The following PEAK1 variants were observed in gnomAD, a reference collection of about 807,000 sequenced individuals.
PEAK1 encodes the protein pseudopodium enriched atypical kinase 1.
A neutral mutation model predicts 124.7 loss-of-function variants in PEAK1; 54 were observed. The ratio of observed to expected loss-of-function variants is 0.43; its 90% CI spans 0.35 to 0.54. The LOEUF is 0.54. Among genes scored for constraint, PEAK1 ranks in the 20% least tolerant of loss-of-function variants. The pLI is 0.01. For missense variants in PEAK1, 2,046 were observed against 2,134.5 expected, an observed-to-expected ratio of 0.96 and a Z score of 0.82; for synonymous variants, 719 against 760.0, an observed-to-expected ratio of 0.95 and a Z score of 0.89.
chr15:77,264,970 T>A (rs2061640714), intron 5 of PEAK1, among the ~76,000 whole-genome samples: 2 of 152,180 alleles, frequency 1.3e-5, no homozygotes, highest in Non-Finnish European at 2.9e-5. Context: ...AACTATCTAA[T>A]CTTTGACAAA....
At chr15:77,418,983 A>G (rs2073119588) in intron 1 of PEAK1, 1 of 985,242 alleles carries the variant, frequency 1.0e-6, no homozygotes. Context: ...ATTTAATTCA[A>G]CGTATGATCT....
At chr15:77,209,114 C>T (rs973646674) in intron 6 of PEAK1, among the ~76,000 whole-genome samples, 5 of 152,038 alleles carry the variant, frequency 3.3e-5, no homozygotes. Context: ...GAAAAAAGTT[C>T]TATACAAAGA....
At position 77,226,072 on chromosome 15, in the gene PEAK1, T is replaced by TAG. The variant is rs1469339392; in HGVS notation, c.-115+26294_-115+26295insCT. Among the ~76,000 whole-genome samples the TAG allele has an allele frequency of 2.2e-5, 3 of 137,208 alleles. No individual in the cohort carries two copies. In the South Asian group the frequency reaches 6.6e-4, roughly 30 times the overall value. 90.0% of individuals were successfully genotyped at this position (137,208 alleles called of 152,430 possible). A position where few individuals can be genotyped will look rare whatever the true frequency, so the allele number is the denominator to read the frequency against. ...ATATATATATATATATATATATATA[T>TAG]ATATATATATATATATTACACACAC... On this transcript the variant is annotated intron_variant, in intron 6 of 9. Transcript: ENST00000682557.
Position 77,197,933 on chromosome 15 carries a change from T to TA in PEAK1, c.-114-15894dup, listed in dbSNP as rs898102374. On this transcript the variant is annotated intron_variant, in intron 6 of 9. Coordinates refer to ENST00000682557, the MANE Select transcript of PEAK1 (RefSeq NM_001385026.1). ...GACAAACCATGTAACCTAGAAATATTAAAAAAATTATGAAAAAGATAGGTA... is the reference window on the plus strand; with the variant it reads ...GACAAACCATGTAACCTAGAAATATTAAAAAAAATTATGAAAAAGATAGGTA... Among the ~76,000 whole-genome samples, 196 of 151,948 alleles carry TA rather than the reference T, an allele frequency of 1.3e-3. 1 individual carries two copies. The highest frequency in any genetic ancestry group is 4.6e-3 in the African/African-American group (192 of 41,364).
intron 1 of PEAK1, chr15:77,404,767 AAGAGCAGGTT>A: frequency 1.0e-6 from 1 of 966,114 alleles, no homozygotes; most frequent in Non-Finnish European, 1.2e-6. Context: ...ATCAGAAAAA[AAGAGCAGGTT>A]ATCAGATTAT....
intron 2 of PEAK1, chr15:77,355,815 A>G (rs2067482313): frequency 2.0e-6 from 2 of 985,408 alleles, no homozygotes; most frequent in African/African-American, 1.7e-5. Flanking sequence ...AATCGGAATT[A>G]TAATAGAAAA....
At chr15:77,308,169 A>G (rs1209953595) in intron 2 of PEAK1, among the ~76,000 whole-genome samples, 4 of 152,116 alleles carry the variant, frequency 2.6e-5, no homozygotes, top group Non-Finnish European at 5.9e-5. Flanking sequence ...ATAAGCTTTC[A>G]TCTAATAAGC....
intron 6 of PEAK1, among the ~76,000 whole-genome samples, chr15:77,233,209 A>G (rs2059981023): frequency 1.3e-5 from 2 of 152,084 alleles, no homozygotes; most frequent in Non-Finnish European, 2.9e-5. Context: ...CTAAAGCAAA[A>G]CTACTTAAAA....
intron 6 of PEAK1, among the ~76,000 whole-genome samples, chr15:77,250,236 TATGTATATATATATATATATA>T: frequency 8.4e-6 from 1 of 118,944 alleles, no homozygotes; most frequent in African/African-American, 2.9e-5. Flanking sequence ...TATATATGTA[TATGTATATATATATATATATA>T]TTTTTTTTTG....
chr15:77,114,150 T>TA lies in PEAK1; in HGVS notation c.*5dup. 1.5e-5 allele frequency: 24 copies of TA among 1,611,952 alleles called. No homozygotes were observed. Among genetic ancestry groups the TA allele is most frequent in the Non-Finnish European group, 2.0e-5 (23 of 1,178,216 alleles). ...AGATGTAGTAAAAGCATCATCCAGG[T>TA]ACACATTAACGGTGCTGCAGAATTT... On this transcript the variant is annotated 3_prime_UTR_variant, in exon 10 of 10. Coordinates refer to ENST00000682557, the MANE Select transcript of PEAK1 (RefSeq NM_001385026.1).
chr15:77,409,839 C>G (rs1333998290), intron 1 of PEAK1, among the ~76,000 whole-genome samples: 1 of 152,062 alleles, frequency 6.6e-6, no homozygotes, highest in African/African-American at 2.4e-5. Context: ...ACCTCACAAC[C>G]CCATAAAGTA....
At position 77,112,883 on chromosome 15, in the gene PEAK1, ATGG is replaced by A. The variant is rs1190436733; in HGVS notation, c.*1270_*1272del. 6.6e-6 allele frequency: 1 copy of A among 152,264 alleles called. No individual in the cohort carries two copies. The highest frequency in any genetic ancestry group is 1.5e-5 in the Non-Finnish European group (1 of 68,070). The allele number at this position is 152,264 out of a possible 1,614,324, so 9.4% of individuals were successfully genotyped here. ...TAGAAGGGGAGCACAGGCTGCACAC[ATGG>A]TGAACAGCTCTCAATCACCCACCTC... On this transcript the variant is annotated 3_prime_UTR_variant, in exon 10 of 10. Coordinates refer to ENST00000682557, the MANE Select transcript of PEAK1 (RefSeq NM_001385026.1).
chr15:77,320,723 A>G (rs1478596447), intron 2 of PEAK1, among the ~76,000 whole-genome samples: 1 of 152,082 alleles, frequency 6.6e-6, no homozygotes, highest in Non-Finnish European at 1.5e-5. Flanking sequence ...GGTTAGTTAC[A>G]TATGTATACA....
intron 8 of PEAK1, among the ~76,000 whole-genome samples, chr15:77,151,383 T>A (rs1310243181): frequency 6.6e-6 from 1 of 152,260 alleles, no homozygotes; most frequent in African/African-American, 2.4e-5. Flanking sequence ...TAAATTTGTT[T>A]GAGTTCATTG....
At chr15:77,348,184 GAA>G (rs371641400) in intron 2 of PEAK1, 2,232 of 836,552 alleles carry the variant, frequency 2.7e-3, no homozygotes, top group Non-Finnish European at 2.8e-3. Flanking sequence ...CACATGCTAA[GAA>G]AAAAAAAAAA....
At chr15:77,366,187 T>C (rs1283882267) in intron 1 of PEAK1, among the ~76,000 whole-genome samples, 1 of 152,216 alleles carries the variant, frequency 6.6e-6, no homozygotes, top group Non-Finnish European at 1.5e-5. Flanking sequence ...TGTAGAAACA[T>C]GACTTGCTTT....
intron 6 of PEAK1, among the ~76,000 whole-genome samples, chr15:77,197,827 A>G (rs2058181937): frequency 6.6e-6 from 1 of 152,164 alleles, no homozygotes; most frequent in Non-Finnish European, 1.5e-5. Flanking sequence ...TGAACTGCGC[A>G]GTTCAACTTA....
intron 2 of PEAK1, among the ~76,000 whole-genome samples, chr15:77,361,477 G>A (rs1372468666): frequency 3.3e-5 from 5 of 151,992 alleles, no homozygotes; most frequent in Non-Finnish European, 5.9e-5. Flanking sequence ...ATGAAAAAAT[G>A]CTCAACATTG....
intron 6 of PEAK1, among the ~76,000 whole-genome samples, chr15:77,231,044 A>G (rs568814886): frequency 6.6e-6 from 1 of 152,304 alleles, no homozygotes; most frequent in Admixed American, 6.5e-5. Flanking sequence ...GGTGTAATAT[A>G]TAATATTTGA....
Sources: allele counts gnomAD v4.1 joint callset (sites outside exome capture counted in the v4.1 genomes callset), GRCh38; gene constraint gnomAD v4.1.1; transcripts MANE v1.5; gene names NCBI Gene and HGNC (gene_info 2026-07-23, HGNC 2026-07-21).